Variants in AKT3 observed in about 807,000 individuals in gnomAD.
The protein encoded by AKT3 is AKT serine/threonine kinase 3.
In AKT3, 15 loss-of-function variants were observed where a neutral mutation model predicts 65.3. The ratio of observed to expected loss-of-function variants is 0.23; its 90% CI spans 0.15 to 0.35. The LOEUF is 0.35. AKT3 is among the 10% of genes least tolerant of loss of function. The pLI is 1.00. For synonymous variants in AKT3, 206 were observed against 183.8 expected, an observed-to-expected ratio of 1.12 and a Z score of -0.98; for missense variants, 243 against 576.5, an observed-to-expected ratio of 0.42 and a Z score of 5.92.
At chr1:243,755,354 A>G (rs922482652) in intron 2 of AKT3, among the ~76,000 whole-genome samples, 1 of 151,806 alleles carries the variant, frequency 6.6e-6, no homozygotes, top group Non-Finnish European at 1.5e-5. Context: ...GATTACAGGC[A>G]TAAGTCGCCG....
chr1:243,799,506 G>A (rs911036003), intron 2 of AKT3, among the ~76,000 whole-genome samples: 1 of 152,174 alleles, frequency 6.6e-6, no homozygotes, highest in Non-Finnish European at 1.5e-5. Flanking sequence ...CATAGTTTTA[G>A]TCAATGAAGC....
At chr1:243,628,958 C>T (rs1434973803) in intron 6 of AKT3, among the ~76,000 whole-genome samples, 2 of 152,226 alleles carry the variant, frequency 1.3e-5, no homozygotes, top group African/African-American at 4.8e-5. Flanking sequence ...TATGGTCAGG[C>T]TGACAGGCAG....
intron 2 of AKT3, among the ~76,000 whole-genome samples, chr1:243,839,932 C>CA (rs1021624966): frequency 4.0e-5 from 6 of 151,238 alleles, no homozygotes; most frequent in Admixed American, 3.9e-4. Context: ...CCTGTAATCC[C>CA]AGCACTTTGG....
At chr1:243,729,437 G>A (rs960740059) in intron 2 of AKT3, among the ~76,000 whole-genome samples, 1 of 152,096 alleles carries the variant, frequency 6.6e-6, no homozygotes, top group African/African-American at 2.4e-5. Flanking sequence ...TTTAAAGCAT[G>A]AGAATATGGT....
chr1:243,652,109 T>C (rs1373935907), intron 4 of AKT3, among the ~76,000 whole-genome samples: 1 of 150,986 alleles, frequency 6.6e-6, no homozygotes, highest in Non-Finnish European at 1.5e-5. Context: ...AGTGCAGTAG[T>C]GCAATCTTGG....
At chr1:243,747,148 T>G (rs982902195) in intron 2 of AKT3, among the ~76,000 whole-genome samples, 6 of 152,242 alleles carry the variant, frequency 3.9e-5, no homozygotes, top group Non-Finnish European at 7.4e-5. Flanking sequence ...GGATTAGAGA[T>G]AGAGAGTGTA....
intron 2 of AKT3, among the ~76,000 whole-genome samples, chr1:243,731,790 T>C (rs1476506975): frequency 6.6e-6 from 1 of 152,224 alleles, no homozygotes; most frequent in Admixed American, 6.5e-5. Flanking sequence ...TGGACCAATG[T>C]ACTTCACTAA....
intron 8 of AKT3, among the ~76,000 whole-genome samples, chr1:243,597,469 A>C (rs1441146853): frequency 6.6e-6 from 1 of 152,062 alleles, no homozygotes; most frequent in Admixed American, 6.6e-5. Context: ...GTAATTATTT[A>C]ATATCCATTC....
At chr1:243,807,850 T>C (rs976472242) in intron 2 of AKT3, among the ~76,000 whole-genome samples, 1 of 152,056 alleles carries the variant, frequency 6.6e-6, no homozygotes, top group African/African-American at 2.4e-5. Flanking sequence ...AGAGGAACAA[T>C]CAGGCAGCAA....
At chr1:243,763,559 G>A (rs766341033) in intron 2 of AKT3, among the ~76,000 whole-genome samples, 31 of 151,956 alleles carry the variant, frequency 2.0e-4, no homozygotes, top group Non-Finnish European at 3.8e-4. Flanking sequence ...TTTTGCAACA[G>A]ATTTAAAATA....
chr1:243,623,148 T>C (rs1678891852), intron 6 of AKT3, among the ~76,000 whole-genome samples: 1 of 152,190 alleles, frequency 6.6e-6, no homozygotes, highest in Admixed American at 6.5e-5. Flanking sequence ...AGATAGTTTA[T>C]GCAAACAACA....
At chr1:243,706,935 T>A (rs1257215072) in intron 2 of AKT3, among the ~76,000 whole-genome samples, 3 of 152,208 alleles carry the variant, frequency 2.0e-5, no homozygotes, top group African/African-American at 7.2e-5. Context: ...CAAGCTGGAC[T>A]GCCTGGGTTC....
chr1:243,728,024 C>T (rs1019096157), intron 2 of AKT3, among the ~76,000 whole-genome samples: 4 of 152,106 alleles, frequency 2.6e-5, no homozygotes, highest in Non-Finnish European at 4.4e-5. Context: ...AATAGTTTAA[C>T]AGAAACCACA....
chr1:243,581,689 G>C (rs772484068), intron 8 of AKT3, among the ~76,000 whole-genome samples: 16 of 152,026 alleles, frequency 1.1e-4, no homozygotes, highest in Non-Finnish European at 2.1e-4. Context: ...TGAAAAATCT[G>C]AATGTAGTGA....
chr1:243,810,352 C>T (rs546272910), intron 2 of AKT3, among the ~76,000 whole-genome samples: 4 of 152,058 alleles, frequency 2.6e-5, no homozygotes, highest in South Asian at 4.2e-4. Context: ...ATATCACCAC[C>T]GATCTCACAG....
chr1:243,515,280 T>C (rs61224252), intron 12 of AKT3, among the ~76,000 whole-genome samples: 1 of 152,096 alleles, frequency 6.6e-6, no homozygotes, highest in Non-Finnish European at 1.5e-5. Flanking sequence ...TGTAGACATA[T>C]GATTTAATTT....
intron 1 of AKT3, among the ~76,000 whole-genome samples, chr1:243,845,884 A>T (rs1481071952): frequency 2.6e-5 from 4 of 152,140 alleles, no homozygotes; most frequent in Non-Finnish European, 5.9e-5. Context: ...AAGAAACTTG[A>T]GTCCCTGCCC....
chr1:243,495,066 T>G (rs1438074823), downstream of AKT3, among the ~76,000 whole-genome samples: 1 of 152,232 alleles, frequency 6.6e-6, no homozygotes, highest in Non-Finnish European at 1.5e-5. Flanking sequence ...CCTGCCTGTG[T>G]GTAGAGGAAG....
intron 12 of AKT3, among the ~76,000 whole-genome samples, chr1:243,530,743 T>G (rs1034819798): frequency 6.6e-6 from 1 of 152,172 alleles, no homozygotes; most frequent in East Asian, 1.9e-4. Flanking sequence ...GTTGGTTTTT[T>G]GAAAGAATTA....
Sources: gnomAD v4.1 joint callset for allele counts (sites outside exome capture counted in the v4.1 genomes callset) on GRCh38, gnomAD v4.1.1 for gene constraint, MANE v1.5 for transcripts, NCBI Gene and HGNC (gene_info 2026-07-23, HGNC 2026-07-21) for gene names.